CCSER1: variants seen among roughly 807,000 people sequenced by gnomAD.
CCSER1 encodes the protein serine-rich coiled-coil domain-containing protein 1.
In CCSER1, 41 loss-of-function variants were observed where a neutral mutation model predicts 82.0. That is an observed-to-expected ratio of 0.50 (90% CI 0.39 to 0.65). The LOEUF (loss-of-function observed/expected upper bound fraction) is 0.65, where lower values mean the gene tolerates loss of function less well. Among genes scored for constraint, CCSER1 ranks in the 30% least tolerant of loss-of-function variants. CCSER1 has a pLI of 0.00. For missense variants in CCSER1, 1,119 were observed against 1,064.2 expected (o/e 1.05, Z -0.72); for synonymous variants, 414 against 383.9 (o/e 1.08, Z -0.92).
Position 91,054,462 on chromosome 4 carries a change from C to G in CCSER1, c.2173-31488C>G, listed in dbSNP as rs116200046. ...TGAGCCTTTTATTAATATAAGCTGT[C>G]CTTCTTTGTCTTTTTTAATCTTTTT... is the stretch of plus-strand genomic sequence containing the variant. On this transcript the variant is annotated intron_variant, in intron 9 of 10. Transcript: ENST00000509176. Among the ~76,000 whole-genome samples the G allele has an allele frequency of 7.8e-3, 1,184 of 151,928 alleles. 18 individuals are homozygous for G. Among genetic ancestry groups the G allele is most frequent in the African/African-American group, 0.027 (1,114 of 41,418 alleles).
Position 90,467,411 on chromosome 4 carries a change from G to A in CCSER1, c.1604-823G>A, listed in dbSNP as rs1763784736. Among the ~76,000 whole-genome samples, 4 of 150,868 alleles carry A rather than the reference G, an allele frequency of 2.7e-5. No individual in the cohort carries two copies. In the South Asian group the frequency reaches 6.3e-4, roughly 24 times the overall value. Reference sequence around the variant, plus strand: ...AAAATAAAAAATAAAAAAGGGCCTGGCTGGTGGCTCATGCCTGTAATCCCA... The same window carrying A: ...AAAATAAAAAATAAAAAAGGGCCTGACTGGTGGCTCATGCCTGTAATCCCA... On this transcript the variant is annotated intron_variant, in intron 4 of 10. Coordinates refer to ENST00000509176, the MANE Select transcript of CCSER1 (RefSeq NM_001145065.2).
chr4:90,367,297 G>T (rs1185001354), intron 3 of CCSER1, among the ~76,000 whole-genome samples: 1 of 151,908 alleles, frequency 6.6e-6, no homozygotes, highest in African/African-American at 2.4e-5. Flanking sequence ...TAGCGAATGA[G>T]CATGAAGGCT....
intron 3 of CCSER1, among the ~76,000 whole-genome samples, chr4:90,388,459 GAC>G (rs1337780855): frequency 6.6e-6 from 1 of 151,960 alleles, no homozygotes; most frequent in East Asian, 1.9e-4. Flanking sequence ...ACAGGTGCCT[GAC>G]ACTGTGCCCG....
At chr4:90,515,898 G>A (rs1772197860) in intron 5 of CCSER1, among the ~76,000 whole-genome samples, 1 of 152,084 alleles carries the variant, frequency 6.6e-6, no homozygotes, top group South Asian at 2.1e-4. Context: ...AGTAAATGAT[G>A]GTGAAAGAAA....
intron 10 of CCSER1, among the ~76,000 whole-genome samples, chr4:91,462,313 C>A (rs1756552630): frequency 2.0e-5 from 3 of 152,096 alleles, no homozygotes; most frequent in Admixed American, 6.5e-5. Context: ...GATATTGAAG[C>A]TCTCTTCTAA....
At chr4:90,469,526 C>A (rs975486436) in intron 5 of CCSER1, among the ~76,000 whole-genome samples, 22 of 116,288 alleles carry the variant, frequency 1.9e-4, no homozygotes, top group Non-Finnish European at 3.4e-4. Context: ...TCCTGCAAAA[C>A]ACACACACAC....
chr4:91,350,707 A>G (rs1330599074), intron 10 of CCSER1, among the ~76,000 whole-genome samples: 1 of 152,082 alleles, frequency 6.6e-6, no homozygotes, highest in Non-Finnish European at 1.5e-5. Context: ...TCAGTCTGAG[A>G]TTTAGGAAAG....
chr4:91,255,576 T>C (rs1381002092), intron 10 of CCSER1, among the ~76,000 whole-genome samples: 1 of 152,164 alleles, frequency 6.6e-6, no homozygotes, highest in Non-Finnish European at 1.5e-5. Context: ...ATTAGAACAA[T>C]ACTACACCAG....
intron 1 of CCSER1, among the ~76,000 whole-genome samples, chr4:90,295,028 C>A (rs530506519): frequency 1.4e-4 from 22 of 151,982 alleles, no homozygotes; most frequent in African/African-American, 5.3e-4. Context: ...TTGTTCATAT[C>A]TTTGACCTTA....
intron 10 of CCSER1, among the ~76,000 whole-genome samples, chr4:91,520,566 C>T (rs1760403743): frequency 6.6e-6 from 1 of 152,152 alleles, no homozygotes; most frequent in South Asian, 2.1e-4. Context: ...TAAGCAAAAA[C>T]ACATTTTTTA....
chr4:90,652,723 A>G (rs1219648061), intron 6 of CCSER1, among the ~76,000 whole-genome samples: 1 of 152,156 alleles, frequency 6.6e-6, no homozygotes, highest in Middle Eastern at 3.2e-3. Context: ...TTAAATTCCA[A>G]AGAAAACTAT....
At chr4:90,582,933 T>C (rs908502468) in intron 5 of CCSER1, among the ~76,000 whole-genome samples, 3 of 152,342 alleles carry the variant, frequency 2.0e-5, no homozygotes, top group Admixed American at 6.5e-5. Flanking sequence ...AAATTACTTG[T>C]ATTGATATAC....
intron 6 of CCSER1, among the ~76,000 whole-genome samples, chr4:90,657,924 C>A (rs868257695): frequency 2.2e-4 from 34 of 152,230 alleles, no homozygotes; most frequent in African/African-American, 7.9e-4. Flanking sequence ...GCCAACATGG[C>A]AAACCCCATC....
At chr4:91,287,001 C>A (rs1218317275) in intron 10 of CCSER1, among the ~76,000 whole-genome samples, 1 of 151,792 alleles carries the variant, frequency 6.6e-6, no homozygotes, top group East Asian at 1.9e-4. Context: ...GTTAACCCAA[C>A]TGAACTGAAT....
At chr4:90,326,150 C>T (rs962944158) in intron 3 of CCSER1, among the ~76,000 whole-genome samples, 1 of 150,856 alleles carries the variant, frequency 6.6e-6, no homozygotes, top group Non-Finnish European at 1.5e-5. Flanking sequence ...GCTCCGCCTC[C>T]CAGGTTCAGG....
At chr4:90,731,140 A>T (rs959292899) in intron 7 of CCSER1, among the ~76,000 whole-genome samples, 1 of 152,124 alleles carries the variant, frequency 6.6e-6, no homozygotes, top group African/African-American at 2.4e-5. Context: ...GTACATTTTG[A>T]ATGTGGGGTC....
chr4:90,816,343 A>C (rs1759007515), intron 8 of CCSER1, among the ~76,000 whole-genome samples: 1 of 152,186 alleles, frequency 6.6e-6, no homozygotes, highest in African/African-American at 2.4e-5. Flanking sequence ...ATTATACAAA[A>C]ATATGCAGTG....
chr4:91,533,426 G>A (rs1292187099), intron 10 of CCSER1, among the ~76,000 whole-genome samples: 1 of 152,096 alleles, frequency 6.6e-6, no homozygotes, highest in African/African-American at 2.4e-5. Flanking sequence ...GAAAAATGTT[G>A]GAGTTTCTTC....
intron 1 of CCSER1, among the ~76,000 whole-genome samples, chr4:90,231,616 G>A (rs1306590266): frequency 6.8e-6 from 1 of 147,118 alleles, no homozygotes; most frequent in African/African-American, 2.6e-5. Flanking sequence ...TGGAAGTTCT[G>A]GCCAGGGCAA....
Sources: gnomAD v4.1 joint callset for allele counts (sites outside exome capture counted in the v4.1 genomes callset) on GRCh38, gnomAD v4.1.1 for gene constraint, MANE v1.5 for transcripts, NCBI Gene and HGNC (gene_info 2026-07-23, HGNC 2026-07-21) for gene names.